The following TTC23L variants were observed in gnomAD, a reference collection of about 807,000 sequenced individuals.
TTC23L encodes the protein tetratricopeptide repeat protein 23-like.
In TTC23L, 42 loss-of-function variants were observed where a neutral mutation model predicts 48.1. That is an observed-to-expected ratio of 0.87 (90% CI 0.68 to 1.13). The LOEUF (loss-of-function observed/expected upper bound fraction) is 1.13, where lower values mean the gene tolerates loss of function less well. Ranked by LOEUF, TTC23L falls within the 50% of genes most tolerant of loss-of-function variation. The pLI is 0.00. For missense variants in TTC23L, 391 were observed against 421.0 expected, an observed-to-expected ratio of 0.93 and a Z score of 0.62; for synonymous variants, 159 against 157.2, an observed-to-expected ratio of 1.01 and a Z score of -0.09.
At chr5:34,848,146 C>T (rs915824962) in intron 3 of TTC23L, among the ~76,000 whole-genome samples, 3 of 152,134 alleles carry the variant, frequency 2.0e-5, no homozygotes, top group Admixed American at 2.0e-4. Context: ...ACATTAGAAC[C>T]AGGGCTGAAA....
At chr5:34,884,695 A>G (rs1762444150) in intron 9 of TTC23L, among the ~76,000 whole-genome samples, 1 of 152,194 alleles carries the variant, frequency 6.6e-6, no homozygotes. Flanking sequence ...AATAGCATCA[A>G]AAAGAATAAA....
rs925326119 is a variant in TTC23L, at chr5:34,864,693, C to T, written c.662+131C>T. 1.3e-5 allele frequency: 15 copies of T among 1,150,020 alleles called. No homozygotes were observed. The African/African-American group carries it at 2.3e-4, about 18-fold the overall frequency. The allele number at this position is 1,150,020 out of a possible 1,614,324, so 71.2% of individuals were successfully genotyped here. On this transcript the variant is annotated intron_variant, in intron 6 of 10. Transcript: ENST00000505624. ...GATAATAAAAGAGGCTCATATTTAC[C>T]AAATGGATACACTGGGCATTTTGTG...
At chr5:34,911,676 G>T in the TTC23L span, 1 of 1,614,116 alleles carries the variant, frequency 6.2e-7, no homozygotes, top group Non-Finnish European at 8.5e-7. Flanking sequence ...CATTGGTGCT[G>T]CAGAAATCAA....
chr5:34,887,308 A>G (rs1762601103), intron 9 of TTC23L, among the ~76,000 whole-genome samples: 1 of 152,218 alleles, frequency 6.6e-6, no homozygotes, highest in South Asian at 2.1e-4. Flanking sequence ...TAATGGGGGC[A>G]GAAGCCTGAA....
At chr5:34,883,463 G>A in intron 9 of TTC23L, 1 of 165,192 alleles carries the variant, frequency 6.1e-6, no homozygotes. Context: ...TTCATCCAGG[G>A]AAGCACACTT....
chr5:34,909,422 A>T, the TTC23L span: 1 of 1,116,960 alleles, frequency 9.0e-7, no homozygotes, highest in Non-Finnish European at 1.3e-6. Flanking sequence ...ATCCAAATAA[A>T]GAAAACACTT....
exon 1 of TTC23L, chr5:34,839,256 C>T (rs1003410241): frequency 2.0e-5 from 3 of 152,708 alleles, no homozygotes; most frequent in Non-Finnish European, 2.9e-5. Context: ...GCGCCCGGAC[C>T]GAGGTGCGCC....
chr5:34,914,006 G>T, the TTC23L span: 1 of 456,722 alleles, frequency 2.2e-6, no homozygotes, highest in Non-Finnish European at 4.4e-6. Context: ...AAATACAGGT[G>T]TGAGCCACCA....
the TTC23L span, chr5:34,908,617 C>T: frequency 1.6e-6 from 1 of 638,660 alleles, no homozygotes; most frequent in Admixed American, 3.1e-5. Flanking sequence ...AACATAGTAA[C>T]TATTAGGGTA....
At chr5:34,880,007 A>G (rs1030241292) in intron 8 of TTC23L, among the ~76,000 whole-genome samples, 174 bp from the exon 9 acceptor site, 1 of 152,142 alleles carries the variant, frequency 6.6e-6, no homozygotes, top group Admixed American at 6.6e-5. Flanking sequence ...AAAACAAAAG[A>G]AAACAACAAC....
chr5:34,866,750 A>C, intron 6 of TTC23L, 142 bp from the exon 7 acceptor site: 1 of 701,136 alleles, frequency 1.4e-6, no homozygotes, highest in East Asian at 2.7e-5. Flanking sequence ...GTTTATTTAC[A>C]GCAAGGCTAG....
At chr5:34,899,734 C>T (rs1401663483), downstream of TTC23L, among the ~76,000 whole-genome samples, 2 of 151,884 alleles carry the variant, frequency 1.3e-5, no homozygotes, top group South Asian at 2.1e-4. Flanking sequence ...ACTAAAAATA[C>T]AAAAAAAATT....
chr5:34,850,929 G>A (rs747182533), intron 4 of TTC23L, among the ~76,000 whole-genome samples: 14 of 152,310 alleles, frequency 9.2e-5, no homozygotes, highest in African/African-American at 2.9e-4. Context: ...ACACTGAGGC[G>A]AGAGCGCATT....
chr5:34,877,756 A>C (rs940892730), intron 8 of TTC23L, among the ~76,000 whole-genome samples: 1 of 152,192 alleles, frequency 6.6e-6, no homozygotes, highest in East Asian at 1.9e-4. Flanking sequence ...AAAAACTAGA[A>C]GCTTTTCTAA....
intron 8 of TTC23L, among the ~76,000 whole-genome samples, chr5:34,872,104 C>A (rs1369756779): frequency 6.6e-6 from 1 of 150,690 alleles, no homozygotes; most frequent in Non-Finnish European, 1.5e-5. Flanking sequence ...ATAGTGAGAC[C>A]CCATCTCTAC....
rs767386776 is a variant in TTC23L at position 34,863,055 on chromosome 5, A to G, written c.536+1A>G. ...GCGTGGCCTGGCTCCTGCAGAACCGATATCCTTCCATTCCTAGCTGCGTTT... is the reference window on the plus strand; with the variant it reads ...GCGTGGCCTGGCTCCTGCAGAACCGGTATCCTTCCATTCCTAGCTGCGTTT... On this transcript the variant is annotated splice_donor_variant, in intron 5 of 10. Transcript: ENST00000505624. LOFTEE classifies it high-confidence loss of function. This position sits in a 1 kb window ranked among gnomAD's most constrained non-coding sequence, Gnocchi z 4.1. The G allele has an allele frequency of 1.2e-6, 2 of 1,613,758 alleles. No individual in the cohort carries two copies. Among genetic ancestry groups the G allele is most frequent in the Non-Finnish European group, 1.7e-6 (2 of 1,179,792 alleles).
chr5:34,911,123 T>C, the TTC23L span, among the ~76,000 whole-genome samples: 7 of 152,212 alleles, frequency 4.6e-5, no homozygotes, highest in African/African-American at 1.7e-4. Context: ...AAGCACACGG[T>C]AGGTGATCAA....
chr5:34,911,919 TTCTCACATATATGTA>T, the TTC23L span: 1 of 1,288,174 alleles, frequency 7.8e-7, no homozygotes, highest in Non-Finnish European at 1.1e-6. Context: ...TCCGCCCAAT[TTCTCACATATATGTA>T]TCTCCTCATA....
intron 9 of TTC23L, among the ~76,000 whole-genome samples, chr5:34,887,608 GT>G: frequency 6.6e-6 from 1 of 152,138 alleles, no homozygotes; most frequent in Non-Finnish European, 1.5e-5. Flanking sequence ...TACAGAATCT[GT>G]TTTTTTAATA....
Sources: allele counts gnomAD v4.1 joint callset (sites outside exome capture counted in the v4.1 genomes callset), GRCh38; gene constraint gnomAD v4.1.1; non-coding constraint Gnocchi (gnomAD v3.1); transcripts MANE v1.5; gene names NCBI Gene and HGNC (gene_info 2026-07-23, HGNC 2026-07-21).